The following PDK4 variants were observed in gnomAD, a reference collection of about 807,000 sequenced individuals.
The protein encoded by PDK4 is pyruvate dehydrogenase kinase 4, also known as pyruvate dehydrogenase kinase, isozyme 4.
PDK4 carries 43 observed loss-of-function variants against 51.7 expected under a neutral mutation model. The observed-to-expected ratio is 0.83, with a 90% CI of 0.65 to 1.07. The LOEUF is 1.07. PDK4 is among the 50% of genes least tolerant of loss of function. PDK4 has a pLI of 0.00. For synonymous variants in PDK4, 170 were observed against 176.6 expected, an observed-to-expected ratio of 0.96 and a Z score of 0.30; for missense variants, 498 against 503.5, an observed-to-expected ratio of 0.99 and a Z score of 0.10.
chr7:95,591,754 T>C (rs552657466), intron 6 of PDK4, among the ~76,000 whole-genome samples: 101 of 152,332 alleles, frequency 6.6e-4, no homozygotes, highest in African/African-American at 2.4e-3. Flanking sequence ...TTTAATCCCA[T>C]ATTATTTGTT....
chr7:95,589,739 G>A lies in PDK4; in HGVS notation c.695-23C>T, dbSNP rs768604884. ...TTCCTAGAAAAATAAAATTCATTAA[G>A]AATTTGTAAACAAATACTTCACTAA... On this transcript the variant is annotated intron_variant, in intron 6 of 10. Coordinates refer to ENST00000005178, the MANE Select transcript of PDK4 (RefSeq NM_002612.4). 11 of 1,291,750 alleles carry A rather than the reference G, an allele frequency of 8.5e-6. No individual in the cohort carries two copies. In the African/African-American group the frequency reaches 1.5e-4, roughly 17 times the overall value. The allele number at this position is 1,291,750 out of a possible 1,614,324, so 80.0% of individuals were successfully genotyped here.
chr7:95,596,299 C>A lies in PDK4; in HGVS notation c.-6G>T. On this transcript the variant is annotated 5_prime_UTR_variant, in exon 1 of 11. Transcript: ENST00000005178. The stretch of plus-strand genomic sequence containing the variant: ...ACGAAGCGGGCCGCCTTCATCTTGA[C>A]GCCCACCCGGCCTGGCGGGGACTGT... 1 of 1,567,126 alleles carries A rather than the reference C, an allele frequency of 6.4e-7. No individual in the cohort carries two copies. Among genetic ancestry groups the A allele is most frequent in the Non-Finnish European group, 8.6e-7 (1 of 1,157,448 alleles).
rs373531855 is a variant in PDK4, at chr7:95,587,864, G to A, written c.772-39C>T. 40 of 1,213,602 alleles carry A rather than the reference G, an allele frequency of 3.3e-5. No homozygotes were observed. In the African/African-American group the frequency reaches 5.6e-4, roughly 17 times the overall value. 75.2% of individuals were successfully genotyped at this position (1,213,602 alleles called of 1,614,324 possible). A position where few individuals can be genotyped will look rare whatever the true frequency, so the allele number is the denominator to read the frequency against. ...AACCATAAGGAATTCAATGGCAGAG[G>A]AATGAGGGACAATAAATGTTTTTTT... is the stretch of plus-strand genomic sequence containing the variant. On this transcript the variant is annotated intron_variant, in intron 7 of 10. Transcript: ENST00000005178.
In PDK4 at chr7:95,596,199, G is replaced by C. The variant is rs759597184; in HGVS notation, c.95C>G (p.Pro32Arg). The change falls in exon 1 of 11, where the codon CCG (proline) becomes CGG (arginine). Residue 32 changes from proline (P) to arginine (R), a missense_variant. Pro to Arg is a moderately radical substitution (Grantham distance 103). Coordinates refer to ENST00000005178, the MANE Select transcript of PDK4 (RefSeq NM_002612.4). ...REVEHFSRYS[P>R]SPLSMKQLLD... ...TAGCTGCTTCATGGACAGCGGGGAC[G>C]GGCTGTAGCGCGAGAAATGCTCCAC... The C allele has an allele frequency of 2.5e-6, 4 of 1,604,190 alleles. No individual in the cohort carries two copies. The highest frequency in any genetic ancestry group is 3.4e-6 in the Non-Finnish European group (4 of 1,175,550).
At chr7:95,586,525 A>C (rs147399488) in intron 10 of PDK4, among the ~76,000 whole-genome samples, 512 of 152,264 alleles carry the variant, frequency 3.4e-3, no homozygotes, top group Non-Finnish European at 5.9e-3. Flanking sequence ...TCAAACAGTG[A>C]ATGTCTGGCA....
At position 95,587,021 on chromosome 7, in the gene PDK4, T is replaced by A. The variant is rs1194609735; in HGVS notation, c.1084A>T (p.Ile362Phe). The A allele has an allele frequency of 6.4e-7, 1 of 1,552,474 alleles. No individual in the cohort carries two copies. The highest frequency in any genetic ancestry group is 2.2e-5 in the East Asian group (1 of 44,478). ...SLSGYGTDAI[I>F]YLKALSSESI... ...AATTCAAGGGATACCTTTAAGTAGA[T>A]GATAGCATCTGTTCCATATCCTGAT... The change falls in exon 10 of 11, where the codon ATC becomes TTC. Residue 362 changes from isoleucine (I) to phenylalanine (F), a missense_variant. Ile to Phe is a conservative substitution (Grantham distance 21). Transcript: ENST00000005178.
chr7:95,592,642 A>G, intron 4 of PDK4, 45 bp from the exon 5 acceptor site: 1 of 1,448,174 alleles, frequency 6.9e-7, no homozygotes, highest in Admixed American at 1.7e-5. Context: ...AAAATTCAGG[A>G]TAATGATTAG....
In PDK4 at chr7:95,592,743, A is replaced by T. The variant is rs139531703; in HGVS notation, c.529+17T>A. The T allele has an allele frequency of 1.7e-4, 271 of 1,596,262 alleles. 3 individuals are homozygous for T. The African/African-American group carries it at 3.2e-3, about 19-fold the overall frequency. ...ACACCCATGTCTATATACCATGATC[A>T]TGATGAGCTAACTTACTGTGCTGGT... On this transcript the variant is annotated intron_variant, in intron 4 of 10. Coordinates refer to ENST00000005178, the MANE Select transcript of PDK4 (RefSeq NM_002612.4).
At chr7:95,595,617 T>A (rs554442234) in intron 1 of PDK4, among the ~76,000 whole-genome samples, 1 of 152,308 alleles carries the variant, frequency 6.6e-6, no homozygotes, top group South Asian at 2.1e-4. Flanking sequence ...CCTTGAAATC[T>A]TCCTTATAAG....
Position 95,596,388 on chromosome 7 carries a change from C to A in PDK4, c.-95G>T. 7.4e-7 allele frequency: 1 copy of A among 1,359,744 alleles called. No homozygotes were observed. Among genetic ancestry groups the A allele is most frequent in the South Asian group, 1.5e-5 (1 of 66,258 alleles). The allele number at this position is 1,359,744 out of a possible 1,614,324, so 84.2% of individuals were successfully genotyped here. On this transcript the variant is annotated 5_prime_UTR_variant, in exon 1 of 11. Coordinates refer to ENST00000005178, the MANE Select transcript of PDK4 (RefSeq NM_002612.4). ...TGGTTCCGAGGGGGCGCGGCGCGTC[C>A]GGGCGAGGACTGCAGGTGCGCTGGC...
chr7:95,592,808 G>A lies in PDK4; in HGVS notation c.481C>T (p.Arg161Ter), dbSNP rs1237699148. ...GTAGAAATACGGTTCATGTAAAATC[G>A]ATCCAAGAAATATTGAAGATTTTGA... is the stretch of plus-strand genomic sequence containing the variant. The part of the protein sequence containing the change: ...TNQNLQYFLD[R>*]FYMNRISTRM... Residue 161 changes from arginine to a stop codon, truncating the protein, a stop_gained, in exon 4 of 11, where the codon CGA becomes TGA. Coordinates refer to ENST00000005178, the MANE Select transcript of PDK4 (RefSeq NM_002612.4). LOFTEE classifies it high-confidence loss of function. The A allele has an allele frequency of 3.7e-6, 6 of 1,612,850 alleles. No individual in the cohort carries two copies. Among genetic ancestry groups the A allele is most frequent in the Non-Finnish European group, 5.1e-6 (6 of 1,179,354 alleles).
chr7:95,587,350 C>T, intron 9 of PDK4, 68 bp downstream of exon 9: 2 of 959,232 alleles, frequency 2.1e-6, no homozygotes, highest in Non-Finnish European at 3.4e-6. Flanking sequence ...TAAATAATCC[C>T]TTGCAATCCT....
chr7:95,591,905 T>C, intron 6 of PDK4, 83 bp downstream of exon 6: 1 of 727,820 alleles, frequency 1.4e-6, no homozygotes, highest in Non-Finnish European at 2.3e-6. Flanking sequence ...AACACAGAAG[T>C]TGCTTTATAT....
At chr7:95,594,373 ATGACAACAAC>A (rs945186266) in intron 2 of PDK4, among the ~76,000 whole-genome samples, 6 of 152,194 alleles carry the variant, frequency 3.9e-5, no homozygotes, top group African/African-American at 1.4e-4. Context: ...ATAAAATGAG[ATGACAACAAC>A]TGACACTTAC....
In PDK4 at chr7:95,596,157, C is replaced by G; in HGVS notation, c.130+7G>C. Reference sequence around the variant, plus strand: ...GGACCCAGCTTGGGCCCTGTGTCCCCTCTCACCAAAGTCCAGTAGCTGCTT... The same window carrying G: ...GGACCCAGCTTGGGCCCTGTGTCCCGTCTCACCAAAGTCCAGTAGCTGCTT... On this transcript the variant is annotated splice_region_variant and intron_variant, in intron 1 of 10. Transcript: ENST00000005178. 6.2e-7 allele frequency: 1 copy of G among 1,600,612 alleles called. No individual in the cohort carries two copies. Among genetic ancestry groups the G allele is most frequent in the Non-Finnish European group, 8.5e-7 (1 of 1,173,938 alleles).
In PDK4 at chr7:95,596,423, C is replaced by A. The variant is rs1791623808; in HGVS notation, c.-130G>T. On this transcript the variant is annotated 5_prime_UTR_variant, in exon 1 of 11. Coordinates refer to ENST00000005178, the MANE Select transcript of PDK4 (RefSeq NM_002612.4). ...CTGCAGGTGCGCTGGCTGGCTTGTGCGCCCCGGCCTGGGCTGGGGTTTGAG... is the reference window on the plus strand; with the variant it reads ...CTGCAGGTGCGCTGGCTGGCTTGTGAGCCCCGGCCTGGGCTGGGGTTTGAG... The A allele has an allele frequency of 2.0e-6, 2 of 1,021,136 alleles. No homozygotes were observed. The highest frequency in any genetic ancestry group is 1.7e-5 in the African/African-American group (1 of 57,864). 63.3% of individuals were successfully genotyped at this position (1,021,136 alleles called of 1,614,324 possible).
At chr7:95,589,849 C>A in intron 6 of PDK4, 133 bp from the exon 7 acceptor site, 1 of 607,816 alleles carries the variant, frequency 1.6e-6, no homozygotes, top group Non-Finnish European at 3.0e-6. Flanking sequence ...CCAAATCCTG[C>A]CCTAGAAACT....
rs1791524168 is a variant in PDK4, at chr7:95,589,378, T to C, written c.771+262A>G. On this transcript the variant is annotated intron_variant, in intron 7 of 10. Coordinates refer to ENST00000005178, the MANE Select transcript of PDK4 (RefSeq NM_002612.4). ...GTTCTTTAATGGGCACCTGAAAAAA[T>C]AATAAGAACTTCCTCTTGGCTGTAA... 2.6e-5 allele frequency among the ~76,000 whole-genome samples: 4 copies of C among 152,216 alleles called. No homozygotes were observed. In the South Asian group the frequency reaches 8.3e-4, roughly 32 times the overall value.
chr7:95,591,069 CTGGGACTACACG>C (rs1463631043), intron 6 of PDK4, among the ~76,000 whole-genome samples: 1 of 152,154 alleles, frequency 6.6e-6, no homozygotes, highest in Non-Finnish European at 1.5e-5. Flanking sequence ...TCCTGAGCAG[CTGGGACTACACG>C]TGTGTGCCAC....
Sources: allele counts gnomAD v4.1 joint callset (sites outside exome capture counted in the v4.1 genomes callset), GRCh38; gene constraint gnomAD v4.1.1; transcripts MANE v1.5; gene names NCBI Gene and HGNC (gene_info 2026-07-23, HGNC 2026-07-21).